GLB1: variants seen among roughly 807,000 people sequenced by gnomAD.
GLB1 encodes the protein galactosidase beta 1.
A neutral mutation model predicts 74.0 loss-of-function variants in GLB1; 56 were observed. The observed-to-expected ratio is 0.76, with a 90% CI of 0.61 to 0.94. The LOEUF (loss-of-function observed/expected upper bound fraction) is 0.94, where lower values mean the gene tolerates loss of function less well. Ranked by LOEUF, GLB1 falls within the 40% of genes least tolerant of loss-of-function variation. The probability of loss-of-function intolerance (pLI) is 0.00; values close to 1 mark genes in which losing one functional copy is unlikely to be tolerated. For missense variants in GLB1, 787 were observed against 845.5 expected (o/e 0.93, Z 0.86); for synonymous variants, 323 against 323.6 (o/e 1.00, Z 0.02).
At chr3:32,988,671 T>A in the GLB1 span, among the ~76,000 whole-genome samples, 1 of 152,214 alleles carries the variant, frequency 6.6e-6, no homozygotes, top group Admixed American at 6.5e-5. Flanking sequence ...TTTTACCAGG[T>A]TGGCTTTTGT....
chr3:33,079,832 A>G (rs1357714124), intron 1 of GLB1, among the ~76,000 whole-genome samples: 1 of 152,168 alleles, frequency 6.6e-6, no homozygotes, highest in Non-Finnish European at 1.5e-5. Flanking sequence ...CTCTGGCTGG[A>G]GTGCAGCAGC....
chr3:33,092,418 TAAGTCCTA>T, intron 1 of GLB1: 2 of 995,496 alleles, frequency 2.0e-6, no homozygotes, highest in Non-Finnish European at 2.4e-6. Context: ...GGAAACCACT[TAAGTCCTA>T]AAGACAATTT....
the GLB1 span, among the ~76,000 whole-genome samples, chr3:32,977,287 A>G: frequency 5.9e-5 from 9 of 151,780 alleles, no homozygotes; most frequent in South Asian, 1.9e-3. Context: ...GCTCACTGCA[A>G]TCTCCACTTC....
intron 10 of GLB1, among the ~76,000 whole-genome samples, chr3:33,032,667 C>T (rs1286632156): frequency 6.6e-6 from 1 of 152,174 alleles, no homozygotes; most frequent in East Asian, 1.9e-4. Flanking sequence ...AAGTGAACCT[C>T]CCACCTTGGC....
At chr3:33,024,205 A>G (rs1317437358) in intron 11 of GLB1, 46 bp downstream of exon 11, 1 of 1,565,076 alleles carries the variant, frequency 6.4e-7, no homozygotes. Context: ...CCACTTTCTC[A>G]CTCCCATCTC....
intron 3 of GLB1, 49 bp from the exon 4 acceptor site, chr3:33,068,339 C>T: frequency 6.2e-7 from 1 of 1,611,104 alleles, no homozygotes; most frequent in Non-Finnish European, 8.5e-7. Context: ...GTGAAGGGTG[C>T]TCAGAGGAGA....
rs1290683359 is a variant in GLB1 at position 33,058,079 on chromosome 3, A to G, written c.733+10T>C. The G allele has an allele frequency of 1.2e-6, 2 of 1,613,108 alleles. No homozygotes were observed. Among genetic ancestry groups the G allele is most frequent in the South Asian group, 2.2e-5 (2 of 91,042 alleles). ...TTTAAGCTGCAATTTCTGTTACTAC[A>G]AACACCAACCTGTTCCAAAGTCCAC... On this transcript the variant is annotated intron_variant, in intron 6 of 15. Coordinates refer to ENST00000307363, the MANE Select transcript of GLB1 (RefSeq NM_000404.4).
At chr3:32,966,370 G>T in the GLB1 span, among the ~76,000 whole-genome samples, 1 of 152,170 alleles carries the variant, frequency 6.6e-6, no homozygotes, top group Non-Finnish European at 1.5e-5. Context: ...TGCCCTATTG[G>T]GTTTTGGACT....
chr3:33,058,896 C>T (rs1307898920), intron 5 of GLB1, among the ~76,000 whole-genome samples: 1 of 152,244 alleles, frequency 6.6e-6, no homozygotes, highest in Non-Finnish European at 1.5e-5. Context: ...TGCTGTCACA[C>T]ACACACCGGT....
At chr3:33,046,310 G>T in intron 9 of GLB1, 78 bp from the exon 10 acceptor site, 1 of 1,530,418 alleles carries the variant, frequency 6.5e-7, no homozygotes, top group Non-Finnish European at 9.0e-7. Context: ...CATGAGCTCA[G>T]CACTGTAGAG....
chr3:33,087,427 G>A (rs981278552), intron 1 of GLB1, among the ~76,000 whole-genome samples: 3 of 152,066 alleles, frequency 2.0e-5, no homozygotes, highest in African/African-American at 4.8e-5. Flanking sequence ...AAAATTAGCC[G>A]GGTGTGGTGG....
At chr3:33,086,028 C>A (rs1700492762) in intron 1 of GLB1, among the ~76,000 whole-genome samples, 1 of 151,800 alleles carries the variant, frequency 6.6e-6, no homozygotes, top group Non-Finnish European at 1.5e-5. Context: ...CAGTGAGTTA[C>A]AGTCACACCA....
At chr3:32,979,851 CAAAAAAA>C in the GLB1 span, among the ~76,000 whole-genome samples, 2 of 25,228 alleles carry the variant, frequency 7.9e-5, no homozygotes, top group East Asian at 1.2e-3. Context: ...GACCCTGTCT[CAAAAAAA>C]AAAAAAAAAA....
At chr3:32,980,366 A>T in the GLB1 span, among the ~76,000 whole-genome samples, 1 of 152,242 alleles carries the variant, frequency 6.6e-6, no homozygotes, top group East Asian at 1.9e-4. Flanking sequence ...TTACTTCTTG[A>T]AGATGTTTTG....
intron 12 of GLB1, among the ~76,000 whole-genome samples, chr3:33,020,096 TCTG>T (rs1697405827): frequency 1.3e-5 from 2 of 152,198 alleles, no homozygotes; most frequent in Admixed American, 1.3e-4. Flanking sequence ...GCTCAACAGC[TCTG>T]CTAAGTGCAG....
At chr3:32,982,508 A>C in the GLB1 span, among the ~76,000 whole-genome samples, 1 of 151,818 alleles carries the variant, frequency 6.6e-6, no homozygotes, top group African/African-American at 2.4e-5. Flanking sequence ...AAACAACAAC[A>C]AAAAAAACCA....
chr3:33,074,378 AAGG>A, intron 1 of GLB1, among the ~76,000 whole-genome samples: 1 of 129,026 alleles, frequency 7.8e-6, no homozygotes, highest in African/African-American at 2.7e-5. Context: ...GGAAGGAAGG[AAGG>A]AAGGAAGGAA....
At chr3:33,087,575 GCGCGCACACACACA>G (rs1342773357) in intron 1 of GLB1, among the ~76,000 whole-genome samples, 1,284 of 36,046 alleles carry the variant, frequency 0.036, 14 homozygotes, top group Non-Finnish European at 0.048. Flanking sequence ...GTCTCAGCAT[GCGCGCACACACACA>G]CACACACACA....
intron 10 of GLB1, chr3:33,034,137 C>A (rs1374984659): frequency 3.0e-5 from 19 of 624,496 alleles, no homozygotes; most frequent in Non-Finnish European, 5.1e-5. Flanking sequence ...GAAAACGGCA[C>A]CTGGGAGAAG....
Sources: allele counts gnomAD v4.1 joint callset (sites outside exome capture counted in the v4.1 genomes callset), GRCh38; gene constraint gnomAD v4.1.1; transcripts MANE v1.5; gene names NCBI Gene and HGNC (gene_info 2026-07-23, HGNC 2026-07-21).